Variants in SLC12A5 observed in about 807,000 individuals in gnomAD.
The protein encoded by SLC12A5 is solute carrier family 12 member 5.
A neutral mutation model predicts 124.0 loss-of-function variants in SLC12A5; 18 were observed. The observed-to-expected ratio is 0.15, with a 90% CI of 0.10 to 0.22. The LOEUF (loss-of-function observed/expected upper bound fraction) is 0.22. SLC12A5 is among the 10% of genes least tolerant of loss of function. The probability of loss-of-function intolerance (pLI) is 1.00; values close to 1 mark genes in which losing one functional copy is unlikely to be tolerated. For missense variants in SLC12A5, 867 were observed against 1,478.7 expected (o/e 0.59, Z 6.78); for synonymous variants, 589 against 568.0 (o/e 1.04, Z -0.53).
rs1296196636 is a variant in SLC12A5 at position 46,056,173 on chromosome 20, A to T, written c.2811A>T (p.Ser937=). 6.2e-7 allele frequency: 1 copy of T among 1,614,052 alleles called. No individual in the cohort carries two copies. Among genetic ancestry groups the T allele is most frequent in the African/African-American group, 1.3e-5 (1 of 74,928 alleles). ...EREIQSITDE[S]RGSIRRKNPA... ...AGATCCAGAGTATCACAGATGAGTC[A>T]CGAGGCTCAATCCGGAGAAAGAATC... The change falls in exon 22 of 26, where the codon TCA becomes TCT. Residue 937 remains serine, a synonymous_variant. Transcript: ENST00000243964. The surrounding 1 kb of genome is among the most constrained non-coding windows in gnomAD (Gnocchi z 4.3).
In SLC12A5 at chr20:46,059,319, G is replaced by C. The variant is rs2084729650; in HGVS notation, c.*1714G>C. On this transcript the variant is annotated 3_prime_UTR_variant, in exon 26 of 26. Transcript: ENST00000243964. ...CTGGAGCTGGCGCCACCCAGACAGC[G>C]TCAGGTGTGGCTGGGGTAGGTTTGG... The C allele has an allele frequency of 1.7e-5, 6 of 362,526 alleles. No individual in the cohort carries two copies. The East Asian group carries it at 2.4e-4, about 15-fold the overall frequency. 22.5% of individuals were successfully genotyped at this position (362,526 alleles called of 1,614,324 possible).
chr20:46,028,428 C>T (rs1026678669), upstream of SLC12A5, among the ~76,000 whole-genome samples: 1 of 152,132 alleles, frequency 6.6e-6, no homozygotes, highest in African/African-American at 2.4e-5. Context: ...AGTCCGCAGT[C>T]AGAAGGTCCC....
chr20:46,043,102 C>T lies in SLC12A5; in HGVS notation c.1067-51C>T, dbSNP rs963693710. The T allele has an allele frequency of 3.8e-6, 6 of 1,588,250 alleles. No homozygotes were observed. The African/African-American group carries it at 8.1e-5, about 21-fold the overall frequency. On this transcript the variant is annotated intron_variant, in intron 8 of 25. Transcript: ENST00000243964. ...CCCCTCCCACCTCCTGGTCCCAGAG[C>T]TCTGGTCCCCTTATGGCTGGCCTCC...
Position 46,056,967 on chromosome 20 carries a change from C to T in SLC12A5, c.3125+56C>T. On this transcript the variant is annotated intron_variant, in intron 24 of 25. Transcript: ENST00000243964. The surrounding 1 kb of genome is among the most constrained non-coding windows in gnomAD (Gnocchi z 4.3). ...TCCTAGGATGGCCAGGGTCCCTACC[C>T]TCCTCACTCTGTTGTGAACCCCTAA... 1 of 1,612,960 alleles carries T rather than the reference C, an allele frequency of 6.2e-7. No homozygotes were observed. Among genetic ancestry groups the T allele is most frequent in the Non-Finnish European group, 8.5e-7 (1 of 1,179,010 alleles).
At chr20:46,047,127 C>T (rs2084602779) in intron 14 of SLC12A5, among the ~76,000 whole-genome samples, 1 of 152,200 alleles carries the variant, frequency 6.6e-6, no homozygotes, top group East Asian at 1.9e-4. Flanking sequence ...CCTGGGAGGA[C>T]CCGTTTCCAC....
intron 1 of SLC12A5, 101 bp from the exon 2 acceptor site, chr20:46,034,847 G>T (rs779775222): frequency 9.4e-7 from 1 of 1,067,078 alleles, no homozygotes; most frequent in Non-Finnish European, 1.4e-6. Context: ...CCCAATGCGC[G>T]AACTGAGATT....
At chr20:46,037,731 GTCAC>G (rs1324301788) in intron 6 of SLC12A5, among the ~76,000 whole-genome samples, 16 of 152,294 alleles carry the variant, frequency 1.1e-4, no homozygotes, top group Admixed American at 2.0e-4. Flanking sequence ...CTTCCTCAAG[GTCAC>G]TCAGCTCTCA....
intron 20 of SLC12A5, among the ~76,000 whole-genome samples, 157 bp from the exon 21 acceptor site, chr20:46,054,759 C>A (rs1299170202): frequency 1.3e-5 from 2 of 152,124 alleles, no homozygotes; most frequent in Non-Finnish European, 2.9e-5. Context: ...CCTCCTACAA[C>A]CCTTGACAAA....
At position 46,053,436 on chromosome 20, in the gene SLC12A5, C is replaced by T; in HGVS notation, c.2548-142C>T. 5 of 1,198,016 alleles carry T rather than the reference C, an allele frequency of 4.2e-6. No homozygotes were observed. In the South Asian group the frequency reaches 4.3e-5, roughly 10 times the overall value. The allele number at this position is 1,198,016 out of a possible 1,614,324, so 74.2% of individuals were successfully genotyped here. ...CAGGGAAGGTTTTGTAGAGAGTGGC[C>T]CCAAAGACAGAGGATTTGGGGTCTG... On this transcript the variant is annotated intron_variant, in intron 19 of 25. Transcript: ENST00000243964. The surrounding 1 kb of genome is among the most constrained non-coding windows in gnomAD (Gnocchi z 4.7).
intron 3 of SLC12A5, 62 bp from the exon 4 acceptor site, chr20:46,035,715 A>T: frequency 6.4e-7 from 1 of 1,561,500 alleles, no homozygotes; most frequent in Non-Finnish European, 8.7e-7. Flanking sequence ...ATGGAGGAGG[A>T]GCACACCTGG....
intron 7 of SLC12A5, chr20:46,040,965 G>T: frequency 2.5e-6 from 1 of 403,426 alleles, no homozygotes; most frequent in Non-Finnish European, 4.5e-6. Context: ...ATCTCCTAGT[G>T]TTGGACAACT....
chr20:46,057,129 C>G lies in SLC12A5; in HGVS notation c.3126-41C>G, dbSNP rs960242840. 2.5e-6 allele frequency: 4 copies of G among 1,611,868 alleles called. No homozygotes were observed. The highest frequency in any genetic ancestry group is 2.2e-5 in the South Asian group (2 of 90,984). ...GCGACTGGCTCCAATCTTCTCTACC[C>G]CCCCGGCTCACGCGGTCTCCACTCC... On this transcript the variant is annotated intron_variant, in intron 24 of 25. Transcript: ENST00000243964. This position sits in a 1 kb window ranked among gnomAD's most constrained non-coding sequence, Gnocchi z 7.1.
At chr20:46,040,766 G>C (rs921369556) in intron 7 of SLC12A5, 152 bp downstream of exon 7, 2 of 1,228,594 alleles carry the variant, frequency 1.6e-6, no homozygotes, top group African/African-American at 3.1e-5. Flanking sequence ...ATCTCTCTTA[G>C]TTTGGGGGCA....
In SLC12A5 at chr20:46,057,904, CG is replaced by C; in HGVS notation, c.*301del. The C allele has an allele frequency of 3.0e-6, 1 of 331,076 alleles. No homozygotes were observed. The highest frequency in any genetic ancestry group is 5.5e-6 in the Non-Finnish European group (1 of 182,658). The allele number at this position is 331,076 out of a possible 1,614,324, so 20.5% of individuals were successfully genotyped here. A position where few individuals can be genotyped will look rare whatever the true frequency, so the allele number is the denominator to read the frequency against. ...CTGCAATAAAGGTTGGGAGAAGGCGCGGAAAGGAGAGGAGCTGGGGCCTTGG... is the reference window on the plus strand; with the variant it reads ...CTGCAATAAAGGTTGGGAGAAGGCGCGAAAGGAGAGGAGCTGGGGCCTTGG... On this transcript the variant is annotated 3_prime_UTR_variant, in exon 26 of 26. Coordinates refer to ENST00000243964, the MANE Select transcript of SLC12A5 (RefSeq NM_020708.5). The surrounding 1 kb of genome is among the most constrained non-coding windows in gnomAD (Gnocchi z 7.1).
At position 46,043,965 on chromosome 20, in the gene SLC12A5, G is replaced by A. The variant is rs756779269; in HGVS notation, c.1394+32G>A. 1.0e-5 allele frequency: 16 copies of A among 1,563,418 alleles called. No individual in the cohort carries two copies. The African/African-American group carries it at 2.2e-4, about 21-fold the overall frequency. ...TAATTGGGGTTGATCCTATTCTGGG[G>A]GAGGGGTGGGTATAGAAGGCTGAGT... On this transcript the variant is annotated intron_variant, in intron 11 of 25. Coordinates refer to ENST00000243964, the MANE Select transcript of SLC12A5 (RefSeq NM_020708.5).
intron 13 of SLC12A5, 70 bp from the exon 14 acceptor site, chr20:46,046,268 C>T (rs977017355): frequency 5.8e-6 from 8 of 1,370,146 alleles, no homozygotes; most frequent in Non-Finnish European, 7.3e-6. Context: ...CCTTTCTCTG[C>T]CCATGCTGTT....
chr20:46,050,810 C>T (rs1043269234), intron 17 of SLC12A5, among the ~76,000 whole-genome samples: 3 of 152,174 alleles, frequency 2.0e-5, no homozygotes, highest in Non-Finnish European at 4.4e-5. Flanking sequence ...TCAGACCCAC[C>T]GGATGTCGAT....
At position 46,041,448 on chromosome 20, in the gene SLC12A5, G is replaced by A. The variant is rs751583991; in HGVS notation, c.974G>A (p.Arg325His). ...TRLWGLFCSS[R>H]FLNATCDEYF... ...CTATGGGGCCTTTTCTGCTCCTCTC[G>A]CTTCCTCAACGCCACCTGTGATGAA... Residue 325 changes from arginine (R) to histidine (H), a missense_variant, in exon 8 of 26, where the codon CGC becomes CAC. Transcript: ENST00000243964. The A allele has an allele frequency of 5.6e-6, 9 of 1,613,946 alleles. No homozygotes were observed. Among genetic ancestry groups the A allele is most frequent in the East Asian group, 2.2e-5 (1 of 44,894 alleles).
chr20:46,040,727 G>T (rs560941706), intron 7 of SLC12A5, 113 bp downstream of exon 7: 2 of 1,485,252 alleles, frequency 1.3e-6, no homozygotes, highest in South Asian at 1.3e-5. Context: ...AGTGGTGTGG[G>T]TTGGGAGTAG....
Sources: allele counts gnomAD v4.1 joint callset (sites outside exome capture counted in the v4.1 genomes callset), GRCh38; gene constraint gnomAD v4.1.1; non-coding constraint Gnocchi (gnomAD v3.1); transcripts MANE v1.5; gene names NCBI Gene and HGNC (gene_info 2026-07-23, HGNC 2026-07-21).